DNAJC1: variants seen among roughly 807,000 people sequenced by gnomAD.
The protein encoded by DNAJC1 is DnaJ heat shock protein family (Hsp40) member C1, also known as dnaJ homolog subfamily C member 1.
In DNAJC1, 58 loss-of-function variants were observed where a neutral mutation model predicts 76.6. The observed-to-expected ratio is 0.76, with a 90% CI of 0.61 to 0.94. The LOEUF is 0.94. Ranked by LOEUF, DNAJC1 falls within the 40% of genes least tolerant of loss-of-function variation. The pLI, the probability that DNAJC1 is intolerant of heterozygous loss-of-function variation, is 0.00. For missense variants in DNAJC1, 689 were observed against 677.3 expected (o/e 1.02, Z -0.19); for synonymous variants, 258 against 267.9 (o/e 0.96, Z 0.36).
rs78790650 is a variant in DNAJC1 at position 21,997,717 on chromosome 10, G to A, written c.222+5496C>T. Among the ~76,000 whole-genome samples the A allele has an allele frequency of 2.6e-3, 395 of 152,168 alleles. 2 individuals carry two copies. Among genetic ancestry groups the A allele is most frequent in the African/African-American group, 9.2e-3 (381 of 41,520 alleles). On this transcript the variant is annotated intron_variant, in intron 1 of 11. Transcript: ENST00000376980. ...ATCTGTACATTTGAAAATACAGGCC[G>A]AATGAGCTTAAAAGGTTTATTAATT...
rs573758644 is a variant in DNAJC1 at position 21,780,002 on chromosome 10, A to G, written c.1099-13693T>C. Among the ~76,000 whole-genome samples the G allele has an allele frequency of 2.0e-5, 3 of 152,312 alleles. No homozygotes were observed. In the South Asian group the frequency reaches 6.2e-4, roughly 32 times the overall value. On this transcript the variant is annotated intron_variant, in intron 9 of 11. Coordinates refer to ENST00000376980, the MANE Select transcript of DNAJC1 (RefSeq NM_022365.4). ...CCAGAAGAAAGGGTATCAGTGATGG[A>G]AGATCAAATGAACGAAATGAAGTGA...
At chr10:21,880,648 T>C (rs887848417) in intron 8 of DNAJC1, among the ~76,000 whole-genome samples, 3 of 152,164 alleles carry the variant, frequency 2.0e-5, no homozygotes, top group African/African-American at 4.8e-5. Flanking sequence ...AGTCTCCACA[T>C]AGGGCTTCAG....
chr10:21,760,297 A>T (rs1834226337), intron 10 of DNAJC1, among the ~76,000 whole-genome samples: 1 of 152,186 alleles, frequency 6.6e-6, no homozygotes, highest in Non-Finnish European at 1.5e-5. Flanking sequence ...AGTAATAATA[A>T]TTAATAACAA....
chr10:21,922,151 T>C (rs1156447794), intron 3 of DNAJC1, among the ~76,000 whole-genome samples: 3 of 152,012 alleles, frequency 2.0e-5, no homozygotes, highest in Non-Finnish European at 2.9e-5. Context: ...CTAGGAATAA[T>C]AGCGCAGCTG....
chr10:21,835,374 GA>G (rs899080895), intron 8 of DNAJC1, among the ~76,000 whole-genome samples: 1 of 152,136 alleles, frequency 6.6e-6, no homozygotes, highest in East Asian at 1.9e-4. Context: ...ACAAAGATGG[GA>G]AAAAAACAGA....
intron 1 of DNAJC1, among the ~76,000 whole-genome samples, chr10:21,988,358 C>T (rs1356815378): frequency 1.3e-5 from 2 of 152,070 alleles, no homozygotes; most frequent in African/African-American, 4.8e-5. Context: ...CTTAGATTAA[C>T]AACTCAATAT....
chr10:21,772,821 G>A (rs1162145780), intron 9 of DNAJC1, among the ~76,000 whole-genome samples: 2 of 151,808 alleles, frequency 1.3e-5, no homozygotes, highest in Admixed American at 1.3e-4. Context: ...ATACTGAATT[G>A]GCTCATGGTT....
intron 1 of DNAJC1, among the ~76,000 whole-genome samples, chr10:21,960,448 G>C (rs575989923): frequency 1.8e-4 from 28 of 152,276 alleles, no homozygotes; most frequent in Admixed American, 5.2e-4. Context: ...CTAAGGCCGG[G>C]TGCCTATTAT....
intron 8 of DNAJC1, among the ~76,000 whole-genome samples, chr10:21,838,039 G>A (rs1313712928): frequency 2.0e-5 from 3 of 150,752 alleles, no homozygotes; most frequent in Non-Finnish European, 4.4e-5. Flanking sequence ...TGCCCCGTCC[G>A]GGAGGTGGGG....
Position 21,824,811 on chromosome 10 carries a change from T to C in DNAJC1, c.979-18712A>G, listed in dbSNP as rs187054415. On this transcript the variant is annotated intron_variant, in intron 8 of 11. Transcript: ENST00000376980. ...TTTTTGAGATGGTGTTTCGCTCTTA[T>C]TGCCCAGGCTGGAGTGCAGTGGTGC... Among the ~76,000 whole-genome samples, 1,093 of 152,316 alleles carry C rather than the reference T, an allele frequency of 7.2e-3. 6 individuals are homozygous for C. Among genetic ancestry groups the C allele is most frequent in the South Asian group, 0.016 (79 of 4,830 alleles).
At chr10:21,979,900 C>G (rs899779036) in intron 1 of DNAJC1, among the ~76,000 whole-genome samples, 2 of 151,760 alleles carry the variant, frequency 1.3e-5, no homozygotes, top group Admixed American at 6.6e-5. Context: ...AGTCATATGT[C>G]AAAACTGCAT....
Position 21,996,813 on chromosome 10 carries a change from T to C in DNAJC1, c.222+6400A>G, listed in dbSNP as rs988615740. Among the ~76,000 whole-genome samples, 8 of 152,344 alleles carry C rather than the reference T, an allele frequency of 5.3e-5. No homozygotes were observed. The East Asian group carries it at 1.5e-3, about 29-fold the overall frequency. On this transcript the variant is annotated intron_variant, in intron 1 of 11. Coordinates refer to ENST00000376980, the MANE Select transcript of DNAJC1 (RefSeq NM_022365.4). ...TTGGCTCAGGCATCTTCCACTAAAC[T>C]ATACATATCACAAAAAGAGTGTGTA... is the stretch of plus-strand genomic sequence containing the variant.
rs540199188 is a variant in DNAJC1, at chr10:21,989,620, C to T, written c.222+13593G>A. On this transcript the variant is annotated intron_variant, in intron 1 of 11. Transcript: ENST00000376980. ...CACCGCCTGTGGGGAAAAAAAAATG[C>T]GAAAGTGAGAAGGACACTGCCTGAG... is the stretch of plus-strand genomic sequence containing the variant. 3.9e-5 allele frequency among the ~76,000 whole-genome samples: 6 copies of T among 152,172 alleles called. No individual in the cohort carries two copies. The East Asian group carries it at 5.8e-4, about 15-fold the overall frequency.
intron 7 of DNAJC1, among the ~76,000 whole-genome samples, chr10:21,892,750 G>A (rs774209518): frequency 1.3e-5 from 2 of 151,796 alleles, no homozygotes; most frequent in Non-Finnish European, 2.9e-5. Context: ...TATCAGGTAA[G>A]GTAAAGTAGA....
At chr10:21,965,573 A>G (rs1381801435) in intron 1 of DNAJC1, among the ~76,000 whole-genome samples, 3 of 152,206 alleles carry the variant, frequency 2.0e-5, no homozygotes, top group Non-Finnish European at 2.9e-5. Flanking sequence ...AATGTTTACT[A>G]AACAAACTCA....
chr10:21,887,831 A>C (rs1564817899), intron 7 of DNAJC1, among the ~76,000 whole-genome samples: 1 of 152,210 alleles, frequency 6.6e-6, no homozygotes, highest in Non-Finnish European at 1.5e-5. Flanking sequence ...GAATGGGCCA[A>C]GATTTCATTA....
intron 6 of DNAJC1, among the ~76,000 whole-genome samples, chr10:21,911,919 G>A (rs933983302): frequency 2.6e-5 from 4 of 152,260 alleles, no homozygotes; most frequent in Non-Finnish European, 5.9e-5. Context: ...TGGGCTAAAC[G>A]TAAGTGTTCT....
intron 6 of DNAJC1, among the ~76,000 whole-genome samples, chr10:21,912,994 T>C (rs368226101): frequency 6.6e-6 from 1 of 151,960 alleles, no homozygotes; most frequent in East Asian, 1.9e-4. Context: ...CAACTTTTTT[T>C]TTTTTTTTTT....
chr10:21,912,043 C>T (rs1487306430), intron 6 of DNAJC1, among the ~76,000 whole-genome samples: 1 of 152,026 alleles, frequency 6.6e-6, no homozygotes, highest in African/African-American at 2.4e-5. Context: ...AGGATGCAAT[C>T]GATAAGTTGA....
Sources: allele counts gnomAD v4.1 joint callset (sites outside exome capture counted in the v4.1 genomes callset), GRCh38; gene constraint gnomAD v4.1.1; transcripts MANE v1.5; gene names NCBI Gene and HGNC (gene_info 2026-07-23, HGNC 2026-07-21).